Variants in CNTNAP5 observed in about 807,000 individuals in gnomAD.
CNTNAP5 encodes contactin associated protein family member 5.
Under a neutral mutation model 150.2 loss-of-function variants are expected in CNTNAP5, and 72 were observed. The ratio of observed to expected loss-of-function variants is 0.48; its 90% confidence interval spans 0.40 to 0.58. The LOEUF (loss-of-function observed/expected upper bound fraction) is 0.58. Ranked by LOEUF, CNTNAP5 falls within the 20% of genes least tolerant of loss-of-function variation. The pLI, the probability that CNTNAP5 is intolerant of heterozygous loss-of-function variation, is 0.00. For missense variants in CNTNAP5, 1,636 were observed against 1,626.2 expected, an observed-to-expected ratio of 1.01 and a Z score of -0.10; for synonymous variants, 672 against 619.8, an observed-to-expected ratio of 1.08 and a Z score of -1.25.
chr2:124,314,319 C>T (rs114609209), intron 3 of CNTNAP5, among the ~76,000 whole-genome samples: 3,322 of 152,210 alleles, frequency 0.022, 140 homozygotes, highest in African/African-American at 0.075. Context: ...AGCTCAAATT[C>T]AAAAGTGCCT....
chr2:124,265,760 T>C (rs1438306039), intron 3 of CNTNAP5, among the ~76,000 whole-genome samples: 1 of 152,072 alleles, frequency 6.6e-6, no homozygotes, highest in Non-Finnish European at 1.5e-5. Context: ...TAGGGACCTG[T>C]CTTCTGCTCC....
chr2:124,456,745 A>G (rs1693127962), intron 6 of CNTNAP5, among the ~76,000 whole-genome samples: 1 of 152,196 alleles, frequency 6.6e-6, no homozygotes, highest in East Asian at 1.9e-4. Flanking sequence ...CAGAATAGAA[A>G]ACCCAGAAAT....
chr2:124,201,612 T>A (rs1685727906), intron 1 of CNTNAP5, among the ~76,000 whole-genome samples: 1 of 152,262 alleles, frequency 6.6e-6, no homozygotes, highest in Non-Finnish European at 1.5e-5. Context: ...GAGTAATGTA[T>A]AAACTATCTT....
intron 19 of CNTNAP5, among the ~76,000 whole-genome samples, chr2:124,816,218 A>G (rs1346976201): frequency 6.6e-6 from 1 of 152,200 alleles, no homozygotes; most frequent in African/African-American, 2.4e-5. Flanking sequence ...TTGGGTCAAG[A>G]GTCCAATCAC....
chr2:124,613,523 A>G (rs542764570), intron 12 of CNTNAP5, among the ~76,000 whole-genome samples: 2 of 152,330 alleles, frequency 1.3e-5, no homozygotes, highest in South Asian at 4.1e-4. Flanking sequence ...GGTTCCAGAG[A>G]AAAGAGACTT....
intron 18 of CNTNAP5, among the ~76,000 whole-genome samples, chr2:124,797,438 C>G (rs1364617980): frequency 6.6e-6 from 1 of 152,170 alleles, no homozygotes; most frequent in African/African-American, 2.4e-5. Flanking sequence ...AGCCTATTTA[C>G]CCAAGTCTTG....
At chr2:124,129,221 GAT>G (rs1333922674) in intron 1 of CNTNAP5, among the ~76,000 whole-genome samples, 1 of 152,068 alleles carries the variant, frequency 6.6e-6, no homozygotes, top group Non-Finnish European at 1.5e-5. Flanking sequence ...AATAAAAAGA[GAT>G]AAAGTTATAA....
rs1695039951 is a variant in CNTNAP5, at chr2:124,528,912, A to G, written c.1649+1456A>G. ...GTAGCAGGTGCCTCTACTGAGGGGC[A>G]CAGAAATCAGCCATGCAGTGCATAG... On this transcript the variant is annotated intron_variant, in intron 10 of 23. Coordinates refer to ENST00000682447, the MANE Select transcript of CNTNAP5 (RefSeq NM_001367498.1). Among the ~76,000 whole-genome samples the G allele has an allele frequency of 2.6e-5, 4 of 152,324 alleles. No homozygotes were observed. The South Asian group carries it at 6.2e-4, about 24-fold the overall frequency.
intron 19 of CNTNAP5, among the ~76,000 whole-genome samples, chr2:124,833,203 C>A (rs183693618): frequency 4.6e-5 from 7 of 152,218 alleles, no homozygotes; most frequent in Admixed American, 3.9e-4. Flanking sequence ...AACCACGGAA[C>A]CTGGACAAAA....
chr2:124,388,074 AGT>A (rs1485888034), intron 3 of CNTNAP5, among the ~76,000 whole-genome samples: 2 of 152,190 alleles, frequency 1.3e-5, no homozygotes, highest in Admixed American at 6.5e-5. Context: ...ACTTTATAAC[AGT>A]GTGTCTAGAG....
intron 19 of CNTNAP5, among the ~76,000 whole-genome samples, chr2:124,846,710 G>A (rs186788508): frequency 6.6e-6 from 1 of 152,246 alleles, no homozygotes; most frequent in African/African-American, 2.4e-5. Context: ...CTATGTCAGA[G>A]GGAAGATATG....
At position 124,903,012 on chromosome 2, in the gene CNTNAP5, G is replaced by T; in HGVS notation, c.3567G>T (p.Val1189=). The change falls in exon 22 of 24, where the codon GTG becomes GTT. Residue 1189 remains valine (V), a synonymous_variant. Transcript: ENST00000682447. ...TGCGCCATGCCACTGTCGCGCCTGT[G>T]ACTGTCCATGGGACCTTGACGGAAT... is the stretch of plus-strand genomic sequence containing the variant. ...AALRHATVAP[V]TVHGTLTESS... is the part of the protein sequence containing the mutation. 1 of 1,611,496 alleles carries T rather than the reference G, an allele frequency of 6.2e-7. No individual in the cohort carries two copies. The highest frequency in any genetic ancestry group is 1.1e-5 in the South Asian group (1 of 90,572).
chr2:124,293,101 A>G (rs945115776), intron 3 of CNTNAP5, among the ~76,000 whole-genome samples: 9 of 152,088 alleles, frequency 5.9e-5, no homozygotes, highest in Non-Finnish European at 1.3e-4. Flanking sequence ...AATCCCACCA[A>G]TATAATAAAG....
intron 1 of CNTNAP5, among the ~76,000 whole-genome samples, chr2:124,083,278 G>A (rs1462578837): frequency 6.6e-6 from 1 of 152,152 alleles, no homozygotes; most frequent in Non-Finnish European, 1.5e-5. Flanking sequence ...AACCCGAGAG[G>A]TGAGGTTGCA....
chr2:124,546,993 T>G (rs913693086), intron 10 of CNTNAP5, among the ~76,000 whole-genome samples: 1 of 152,132 alleles, frequency 6.6e-6, no homozygotes, highest in African/African-American at 2.4e-5. Context: ...ATTTTATATG[T>G]GTAAATATTT....
At chr2:124,115,775 C>A (rs2104710537) in intron 1 of CNTNAP5, among the ~76,000 whole-genome samples, 1 of 140,026 alleles carries the variant, frequency 7.1e-6, no homozygotes, top group East Asian at 2.7e-4. Context: ...CAGGCAGATG[C>A]CACCACGCCT....
intron 13 of CNTNAP5, among the ~76,000 whole-genome samples, chr2:124,666,907 G>A (rs1678713192): frequency 6.9e-6 from 1 of 144,678 alleles, no homozygotes; most frequent in Admixed American, 7.0e-5. Flanking sequence ...GATTCCTCAA[G>A]ACTTTCAAAG....
chr2:124,307,941 C>A (rs1688732766), intron 3 of CNTNAP5, among the ~76,000 whole-genome samples: 1 of 152,130 alleles, frequency 6.6e-6, no homozygotes, highest in Non-Finnish European at 1.5e-5. Context: ...CAATATATGA[C>A]AAAGCTGGCG....
At chr2:124,182,561 A>G (rs1460829272) in intron 1 of CNTNAP5, among the ~76,000 whole-genome samples, 5 of 152,154 alleles carry the variant, frequency 3.3e-5, no homozygotes, top group Non-Finnish European at 5.9e-5. Context: ...ATCATTGACA[A>G]ATCCGGTGAA....
Sources: gnomAD v4.1 joint callset for allele counts (sites outside exome capture counted in the v4.1 genomes callset) on GRCh38, gnomAD v4.1.1 for gene constraint, MANE v1.5 for transcripts, NCBI Gene and HGNC (gene_info 2026-07-23, HGNC 2026-07-21) for gene names.